The following CHRM3 variants were observed in gnomAD, a reference collection of about 807,000 sequenced individuals.
The protein encoded by CHRM3 is muscarinic acetylcholine receptor M3.
A neutral mutation model predicts 41.8 loss-of-function variants in CHRM3; 11 were observed. The ratio of observed to expected loss-of-function variants is 0.26; its 90% CI spans 0.17 to 0.44. The LOEUF is 0.44. Ranked by LOEUF, CHRM3 falls within the 20% of genes least tolerant of loss-of-function variation. The pLI is 1.00. For synonymous variants in CHRM3, 297 were observed against 301.4 expected, an observed-to-expected ratio of 0.99 and a Z score of 0.15; for missense variants, 571 against 745.4, an observed-to-expected ratio of 0.77 and a Z score of 2.72.
intron 6 of CHRM3, among the ~76,000 whole-genome samples, chr1:239,895,625 GAA>G (rs1678933664): frequency 6.6e-6 from 1 of 152,108 alleles, no homozygotes; most frequent in African/African-American, 2.4e-5. Flanking sequence ...ATACACTGTG[GAA>G]TACTATGCAG....
At chr1:239,783,732 C>T (rs375807361) in intron 5 of CHRM3, among the ~76,000 whole-genome samples, 59 of 152,144 alleles carry the variant, frequency 3.9e-4, no homozygotes, top group African/African-American at 1.3e-3. Flanking sequence ...ATTTTAGGTT[C>T]GGGGGTATAT....
chr1:239,596,081 A>C (rs1664741389), intron 3 of CHRM3, among the ~76,000 whole-genome samples: 1 of 152,204 alleles, frequency 6.6e-6, no homozygotes, highest in South Asian at 2.1e-4. Context: ...TTTTATACCT[A>C]ACATTTGTTC....
chr1:239,477,515 G>A (rs1310041803), intron 1 of CHRM3, among the ~76,000 whole-genome samples: 1 of 152,160 alleles, frequency 6.6e-6, no homozygotes, highest in Non-Finnish European at 1.5e-5. Context: ...GAAGCAGCAA[G>A]AGAAATGAAT....
chr1:239,733,094 C>T (rs924191498), intron 5 of CHRM3, among the ~76,000 whole-genome samples: 2 of 152,004 alleles, frequency 1.3e-5, no homozygotes, highest in Non-Finnish European at 2.9e-5. Context: ...CCATTTTATT[C>T]AGTAAAGATG....
At chr1:239,727,634 TA>T (rs879771199) in intron 5 of CHRM3, 171 of 140,976 alleles carry the variant, frequency 1.2e-3, no homozygotes, top group Non-Finnish European at 1.1e-3. Context: ...TCAGAGAGGG[TA>T]AAAAAAAAAA....
intron 5 of CHRM3, chr1:239,706,196 T>C (rs1661145922): frequency 6.7e-6 from 1 of 149,976 alleles, no homozygotes; most frequent in South Asian, 2.1e-4. Context: ...TAAAATGTAA[T>C]AAACATACAT....
At chr1:239,676,537 G>T (rs984879025) in intron 4 of CHRM3, among the ~76,000 whole-genome samples, 1 of 152,196 alleles carries the variant, frequency 6.6e-6, no homozygotes, top group South Asian at 2.1e-4. Context: ...TCACTGTCAA[G>T]AAATAGTGTA....
rs112261283 is a variant in CHRM3, at chr1:239,417,263, A to G, written c.-521+30036A>G. On this transcript the variant is annotated intron_variant, in intron 1 of 6. Transcript: ENST00000676153. The stretch of plus-strand genomic sequence containing the variant: ...AGAAAAATTTTATGAAATGAAATTC[A>G]TAGACTTCATGGTAGCATAAGAATA... Among the ~76,000 whole-genome samples the G allele has an allele frequency of 2.1e-3, 316 of 152,356 alleles. 2 individuals are homozygous for G. Among genetic ancestry groups the G allele is most frequent in the Admixed American group, 3.2e-3 (49 of 15,298 alleles).
At chr1:239,411,826 C>A (rs370749640) in intron 1 of CHRM3, among the ~76,000 whole-genome samples, 3 of 147,058 alleles carry the variant, frequency 2.0e-5, no homozygotes, top group African/African-American at 5.0e-5. Flanking sequence ...ACGTAATTCT[C>A]AAGGCTTGTG....
At chr1:239,513,383 A>G (rs77837787) in intron 2 of CHRM3, among the ~76,000 whole-genome samples, 1 of 152,046 alleles carries the variant, frequency 6.6e-6, no homozygotes, top group African/African-American at 2.4e-5. Flanking sequence ...TTAGTGACAT[A>G]TGATGTTTAT....
intron 1 of CHRM3, among the ~76,000 whole-genome samples, chr1:239,446,511 A>G (rs1664166215): frequency 6.6e-6 from 1 of 152,242 alleles, no homozygotes; most frequent in South Asian, 2.1e-4. Flanking sequence ...CTAAAGGAAA[A>G]CAAAAACACT....
At chr1:239,805,338 T>G (rs947233618) in intron 5 of CHRM3, among the ~76,000 whole-genome samples, 2 of 152,196 alleles carry the variant, frequency 1.3e-5, no homozygotes, top group Non-Finnish European at 2.9e-5. Flanking sequence ...GGAGCTAAGT[T>G]CGCCATTTCA....
At chr1:239,483,420 A>C (rs1474141176) in intron 1 of CHRM3, among the ~76,000 whole-genome samples, 3 of 152,140 alleles carry the variant, frequency 2.0e-5, no homozygotes, top group South Asian at 2.1e-4. Flanking sequence ...GTCCTGGAAG[A>C]GGCTCTTCAC....
At chr1:239,667,407 T>C (rs1673916541) in intron 4 of CHRM3, among the ~76,000 whole-genome samples, 1 of 152,206 alleles carries the variant, frequency 6.6e-6, no homozygotes, top group Non-Finnish European at 1.5e-5. Flanking sequence ...TCCACTGTCA[T>C]GTGCGGAGAC....
chr1:239,674,447 T>C (rs1170938636), intron 4 of CHRM3, among the ~76,000 whole-genome samples: 1 of 152,078 alleles, frequency 6.6e-6, no homozygotes, highest in African/African-American at 2.4e-5. Context: ...CGGTGGCTCA[T>C]GCCTGTAATC....
intron 3 of CHRM3, among the ~76,000 whole-genome samples, chr1:239,564,300 T>C (rs1346048197): frequency 1.3e-5 from 2 of 152,054 alleles, no homozygotes; most frequent in Non-Finnish European, 2.9e-5. Flanking sequence ...AATAAGGAAA[T>C]AGAGGAACTG....
At chr1:239,564,035 C>T (rs770550426) in intron 3 of CHRM3, among the ~76,000 whole-genome samples, 1 of 151,902 alleles carries the variant, frequency 6.6e-6, no homozygotes, top group East Asian at 1.9e-4. Context: ...TTGATGTTTC[C>T]GAGATTCTTT....
intron 3 of CHRM3, among the ~76,000 whole-genome samples, chr1:239,548,126 C>G (rs887415040): frequency 3.3e-5 from 5 of 152,158 alleles, no homozygotes; most frequent in African/African-American, 1.2e-4. Flanking sequence ...TATGAATCAA[C>G]TTAAGATATT....
intron 1 of CHRM3, among the ~76,000 whole-genome samples, chr1:239,448,047 T>C (rs1408919961): frequency 3.3e-5 from 5 of 152,314 alleles, no homozygotes; most frequent in Non-Finnish European, 7.3e-5. Flanking sequence ...GTTCTACCAT[T>C]TCACGGTGAC....
Sources: gnomAD v4.1 joint callset for allele counts (sites outside exome capture counted in the v4.1 genomes callset) on GRCh38, gnomAD v4.1.1 for gene constraint, MANE v1.5 for transcripts, NCBI Gene and HGNC (gene_info 2026-07-23, HGNC 2026-07-21) for gene names.